Variants in TOMM6 observed in about 807,000 individuals in gnomAD.
The protein encoded by TOMM6 is translocase of outer mitochondrial membrane 6.
A neutral mutation model predicts 6.0 loss-of-function variants in TOMM6; 6 were observed. That is an observed-to-expected ratio of 1.00 (90% CI 0.55 to 1.98). The LOEUF (loss-of-function observed/expected upper bound fraction) is 1.98, where lower values mean the gene tolerates loss of function less well. TOMM6 is among the 30% of genes most tolerant of loss of function. TOMM6 has a pLI of 0.00. For missense variants in TOMM6, 104 were observed against 95.3 expected, an observed-to-expected ratio of 1.09 and a Z score of -0.38; for synonymous variants, 44 against 36.3, an observed-to-expected ratio of 1.21 and a Z score of -0.76.
Position 41,789,601 on chromosome 6 carries a change from C to CA in TOMM6, c.*48dup. On this transcript the variant is annotated 3_prime_UTR_variant, in exon 3 of 3. Coordinates refer to ENST00000398881, the MANE Select transcript of TOMM6 (RefSeq NM_001382294.1). ...AATCCTGTGCTGAACCCGAATCTTC[C>CA]AAAAAACAGCCTACAATCTGTGACC... is the stretch of plus-strand genomic sequence containing the variant. 1 of 346,106 alleles carries CA rather than the reference C, an allele frequency of 2.9e-6. No homozygotes were observed. The allele number at this position is 346,106 out of a possible 1,614,324, so 21.4% of individuals were successfully genotyped here. A position where few individuals can be genotyped will look rare whatever the true frequency, so the allele number is the denominator to read the frequency against.
rs1237316771 is a variant in TOMM6 at position 41,787,771 on chromosome 6, G to A, written c.74G>A (p.Gly25Glu). Residue 25 changes from glycine to glutamate, a missense_variant, in exon 1 of 3, where the codon GGA (glycine) becomes GAA (glutamate). Physicochemically the swap from Gly to Glu is moderately conservative, Grantham distance 98. Transcript: ENST00000398881. Reference protein sequence around the residue: ...NETPEIPDNVGDWLRGVYRFA... With the variant: ...NETPEIPDNVEDWLRGVYRFA... ...ACTCCCGAAATACCGGACAACGTGG[G>A]AGATTGGCTTCGGGGCGTCTACCGC... 5 of 1,551,796 alleles carry A rather than the reference G, an allele frequency of 3.2e-6. 1 individual carries two copies. The South Asian group carries it at 5.9e-5, about 18-fold the overall frequency.
At position 41,787,898 on chromosome 6, in the gene TOMM6, G is replaced by T. The variant is rs139110823; in HGVS notation, c.128+73G>T. 8.3e-5 allele frequency: 127 copies of T among 1,522,246 alleles called. No individual in the cohort carries two copies. In the African/African-American group the frequency reaches 1.6e-3, roughly 20 times the overall value. 94.3% of individuals were successfully genotyped at this position (1,522,246 alleles called of 1,614,324 possible). A position where few individuals can be genotyped will look rare whatever the true frequency, so the allele number is the denominator to read the frequency against. On this transcript the variant is annotated intron_variant, in intron 1 of 2. Coordinates refer to ENST00000398881, the MANE Select transcript of TOMM6 (RefSeq NM_001382294.1). Reference sequence around the variant, plus strand: ...ATTTCCCCTTTCTTGCGAGGCTGGCGCCTCAGGGTTTTTTGTTTTTGTTTT... The same window carrying T: ...ATTTCCCCTTTCTTGCGAGGCTGGCTCCTCAGGGTTTTTTGTTTTTGTTTT...
In TOMM6 at chr6:41,789,355, C is replaced by G. The variant is rs558695418; in HGVS notation, c.*8+19C>G. ...CAAGTAGGTAAGCACTGAACTACAC[C>G]CATGCGTGTCTTAGGAGACCTAGAG... On this transcript the variant is annotated intron_variant, in intron 2 of 2. Transcript: ENST00000398881. The G allele has an allele frequency of 5.1e-5, 78 of 1,515,092 alleles. No homozygotes were observed. The South Asian group carries it at 8.9e-4, about 17-fold the overall frequency. The allele number at this position is 1,515,092 out of a possible 1,614,324, so 93.9% of individuals were successfully genotyped here.
At chr6:41,789,045 G>C (rs1772744132) in intron 1 of TOMM6, among the ~76,000 whole-genome samples, 187 bp from the exon 2 acceptor site, 1 of 152,160 alleles carries the variant, frequency 6.6e-6, no homozygotes, top group Non-Finnish European at 1.5e-5. Context: ...CGCCCAGCCT[G>C]ACCTTACACT....
At position 41,787,878 on chromosome 6, in the gene TOMM6, C is replaced by G. The variant is rs1321485388; in HGVS notation, c.128+53C>G. 10 of 1,536,434 alleles carry G rather than the reference C, an allele frequency of 6.5e-6. No individual in the cohort carries two copies. In the East Asian group the frequency reaches 2.5e-4, roughly 38 times the overall value. The stretch of plus-strand genomic sequence containing the variant: ...TTTCTGGCCCTTAAATCCGTATTTC[C>G]CCTTTCTTGCGAGGCTGGCGCCTCA... On this transcript the variant is annotated intron_variant, in intron 1 of 2. Coordinates refer to ENST00000398881, the MANE Select transcript of TOMM6 (RefSeq NM_001382294.1).
In TOMM6 at chr6:41,789,320, G is replaced by C; in HGVS notation, c.217G>C (p.Gly73Arg). The part of the protein sequence containing the change: ...SDIDLMAPQP[G>R]V ...CATTGACCTCATGGCACCTCAGCCA[G>C]GGGTGTAGCCAAGTAGGTAAGCACT... is the stretch of plus-strand genomic sequence containing the variant. The change falls in exon 2 of 3, where the codon GGG becomes CGG. Residue 73 changes from glycine (G) to arginine (R), a missense_variant. Gly to Arg is a moderately radical substitution (Grantham distance 125, BLOSUM62 -2). Transcript: ENST00000398881. 6.4e-7 allele frequency: 1 copy of C among 1,551,678 alleles called. No individual in the cohort carries two copies.
At chr6:41,788,513 C>T (rs1772728976) in intron 1 of TOMM6, among the ~76,000 whole-genome samples, 1 of 127,798 alleles carries the variant, frequency 7.8e-6, no homozygotes, top group Admixed American at 9.8e-5. Context: ...AGTGCAGAGG[C>T]GCAATCTCGG....
chr6:41,787,867 A>G (rs894464102), intron 1 of TOMM6, 42 bp downstream of exon 1: 3 of 1,546,938 alleles, frequency 1.9e-6, no homozygotes, highest in Non-Finnish European at 2.6e-6. Flanking sequence ...TGGCCCTTAA[A>G]TCCGTATTTC....
At chr6:41,789,524 TTTACAGTTC>T in intron 2 of TOMM6, 35 bp from the exon 3 acceptor site, 1 of 545,522 alleles carries the variant, frequency 1.8e-6, no homozygotes, top group Non-Finnish European at 3.3e-6. Flanking sequence ...CTCCCATACT[TTTACAGTTC>T]TAATGCCACC....
In TOMM6 at chr6:41,789,832, T is replaced by C. The variant is rs1772762846; in HGVS notation, c.*273T>C. Reference sequence around the variant, plus strand: ...CTTCTGCAGGGGGTGATTTTTGCTCTTGTCCTGAGAAATAACAGTGCTGTT... The same window carrying C: ...CTTCTGCAGGGGGTGATTTTTGCTCCTGTCCTGAGAAATAACAGTGCTGTT... On this transcript the variant is annotated 3_prime_UTR_variant, in exon 3 of 3. Coordinates refer to ENST00000398881, the MANE Select transcript of TOMM6 (RefSeq NM_001382294.1). The C allele has an allele frequency of 1.3e-5, 2 of 153,064 alleles. No individual in the cohort carries two copies. Among genetic ancestry groups the C allele is most frequent in the African/African-American group, 4.8e-5 (2 of 41,460 alleles). 9.5% of individuals were successfully genotyped at this position (153,064 alleles called of 1,614,324 possible). A position where few individuals can be genotyped will look rare whatever the true frequency, so the allele number is the denominator to read the frequency against.
At chr6:41,788,429 C>T (rs1309498092) in intron 1 of TOMM6, among the ~76,000 whole-genome samples, 1 of 130,982 alleles carries the variant, frequency 7.6e-6, no homozygotes, top group East Asian at 2.4e-4. Flanking sequence ...CAGGCGTGAG[C>T]CACCACGCCC....
At chr6:41,789,385 G>A in intron 2 of TOMM6, 49 bp downstream of exon 2, 1 of 1,328,084 alleles carries the variant, frequency 7.5e-7, no homozygotes, top group Non-Finnish European at 1.1e-6. Flanking sequence ...CTAGAGACTG[G>A]GTGAAGCAAT....
At chr6:41,788,074 CG>C (rs1455112644) in intron 1 of TOMM6, among the ~76,000 whole-genome samples, 2 of 151,984 alleles carry the variant, frequency 1.3e-5, no homozygotes, top group East Asian at 3.8e-4. Context: ...AGTGCTAGCA[CG>C]TAAACAGGCT....
chr6:41,789,478 T>C, intron 2 of TOMM6, 90 bp from the exon 3 acceptor site: 3 of 672,982 alleles, frequency 4.5e-6, no homozygotes, highest in Non-Finnish European at 7.7e-6. Flanking sequence ...TGTTTTCAGA[T>C]GTTGAAAGGG....
chr6:41,787,967 CCTCA>C (rs1412906676), intron 1 of TOMM6, 142 bp downstream of exon 1: 2 of 1,213,546 alleles, frequency 1.6e-6, no homozygotes, highest in African/African-American at 1.5e-5. Flanking sequence ...TCTGGCTGTG[CCTCA>C]CTGAGATCCC....
chr6:41,787,695 A>G lies in TOMM6; in HGVS notation c.-3A>G, dbSNP rs771691601. On this transcript the variant is annotated 5_prime_UTR_variant, in exon 1 of 3. Transcript: ENST00000398881. ...CACCGAGGCCCATGCGAAGCTTTCC[A>G]CTATGGCTTCCAGCACTGTCCCGGT... 1.3e-5 allele frequency: 20 copies of G among 1,550,906 alleles called. No individual in the cohort carries two copies. Among genetic ancestry groups the G allele is most frequent in the Middle Eastern group, 3.3e-4 (2 of 6,010 alleles).
chr6:41,789,127 A>G, intron 1 of TOMM6, 105 bp from the exon 2 acceptor site: 1 of 1,047,738 alleles, frequency 9.5e-7, no homozygotes, highest in South Asian at 1.4e-5. Flanking sequence ...CCACGTATCA[A>G]CGCCTCGGGA....
intron 2 of TOMM6, 98 bp from the exon 3 acceptor site, chr6:41,789,470 T>A: frequency 1.4e-6 from 1 of 701,864 alleles, no homozygotes; most frequent in South Asian, 1.8e-5. Flanking sequence ...GTTAAATGTG[T>A]TTTCAGATGT....
At chr6:41,789,197 G>T in intron 1 of TOMM6, 35 bp from the exon 2 acceptor site, 2 of 1,533,778 alleles carry the variant, frequency 1.3e-6, no homozygotes, top group South Asian at 2.4e-5. Context: ...CTGACTCAGT[G>T]ACCACAGGGT....
Sources: allele counts gnomAD v4.1 joint callset (sites outside exome capture counted in the v4.1 genomes callset), GRCh38; gene constraint gnomAD v4.1.1; transcripts MANE v1.5; gene names NCBI Gene and HGNC (gene_info 2026-07-23, HGNC 2026-07-21).